CUX2: variants seen among roughly 807,000 people sequenced by gnomAD.
CUX2 encodes cut like homeobox 2.
CUX2 carries 40 observed loss-of-function variants against 144.8 expected under a neutral mutation model. That is an observed-to-expected ratio of 0.28 (90% CI 0.21 to 0.36). The LOEUF (loss-of-function observed/expected upper bound fraction) is 0.36, where lower values mean the gene tolerates loss of function less well. Ranked by LOEUF, CUX2 falls within the 10% of genes least tolerant of loss-of-function variation. The pLI, the probability that CUX2 is intolerant of heterozygous loss-of-function variation, is 1.00. For synonymous variants in CUX2, 827 were observed against 875.6 expected, an observed-to-expected ratio of 0.94 and a Z score of 0.98; for missense variants, 1,615 against 1,994.0, an observed-to-expected ratio of 0.81 and a Z score of 3.62.
Position 111,282,353 on chromosome 12 carries a change from G to A in CUX2, c.302-9065G>A, listed in dbSNP as rs557642560. ...AAAAAAAAAATACCACAGGCCGTGC[G>A]CCTTGGCTCACGCCTGTAATCCCAG... On this transcript the variant is annotated intron_variant, in intron 4 of 21. Transcript: ENST00000261726. Among the ~76,000 whole-genome samples, 21 of 150,422 alleles carry A rather than the reference G, an allele frequency of 1.4e-4. No individual in the cohort carries two copies. The South Asian group carries it at 1.7e-3, about 12-fold the overall frequency.
At chr12:111,328,129 G>C (rs551473904) in intron 18 of CUX2, among the ~76,000 whole-genome samples, 10 of 152,280 alleles carry the variant, frequency 6.6e-5, no homozygotes, top group South Asian at 4.1e-4. Context: ...CCTAGGGAGA[G>C]AGTGGTGATG....
At chr12:111,290,625 A>C (rs1885622389) in intron 4 of CUX2, among the ~76,000 whole-genome samples, 1 of 151,898 alleles carries the variant, frequency 6.6e-6, no homozygotes, top group Non-Finnish European at 1.5e-5. Context: ...ACGGGGTTTC[A>C]CCATATTGGT....
intron 3 of CUX2, among the ~76,000 whole-genome samples, chr12:111,243,239 C>T (rs1192783187): frequency 6.6e-6 from 1 of 152,160 alleles, no homozygotes; most frequent in Non-Finnish European, 1.5e-5. Context: ...CCACCTTCCT[C>T]TCACACCTCT....
intron 1 of CUX2, among the ~76,000 whole-genome samples, chr12:111,120,932 C>T (rs1874616368): frequency 6.6e-6 from 1 of 151,844 alleles, no homozygotes; most frequent in Admixed American, 6.6e-5. Flanking sequence ...GAAACCAGCC[C>T]GGGGGGGTCC....
Position 111,261,715 on chromosome 12 carries a change from A to G in CUX2, c.223-2046A>G, listed in dbSNP as rs1054861522. Among the ~76,000 whole-genome samples the G allele has an allele frequency of 1.1e-4, 16 of 152,258 alleles. No individual in the cohort carries two copies. The South Asian group carries it at 1.7e-3, about 16-fold the overall frequency. On this transcript the variant is annotated intron_variant, in intron 3 of 21. Transcript: ENST00000261726. ...GAGGAGTTCGAGACCAGCCTGGCCA[A>G]CATGGCGAAACCTCATGTCTACTAA...
intron 1 of CUX2, among the ~76,000 whole-genome samples, chr12:111,200,628 C>T (rs1264708388): frequency 6.6e-6 from 1 of 152,094 alleles, no homozygotes; most frequent in Admixed American, 6.5e-5. Context: ...ATCCAGGCCT[C>T]CCTCCCGGAG....
At chr12:111,331,271 C>T (rs1423005503) in intron 18 of CUX2, among the ~76,000 whole-genome samples, 1 of 152,166 alleles carries the variant, frequency 6.6e-6, no homozygotes, top group African/African-American at 2.4e-5. Context: ...CCATCCTGGG[C>T]TCAGGATGTC....
intron 15 of CUX2, among the ~76,000 whole-genome samples, chr12:111,311,283 C>T (rs1442372281): frequency 2.0e-5 from 3 of 151,902 alleles, no homozygotes; most frequent in Admixed American, 6.6e-5. Flanking sequence ...TAGTCATTGT[C>T]GTCATCATTT....
chr12:111,275,010 G>A (rs1439600922), intron 4 of CUX2, among the ~76,000 whole-genome samples: 1 of 151,708 alleles, frequency 6.6e-6, no homozygotes, highest in Non-Finnish European at 1.5e-5. Context: ...AGTGGTGAAA[G>A]ATGGAATAGG....
chr12:111,138,493 G>C (rs1243232277), intron 1 of CUX2, among the ~76,000 whole-genome samples: 5 of 152,106 alleles, frequency 3.3e-5, no homozygotes, highest in African/African-American at 1.2e-4. Flanking sequence ...TGTGGCCTCG[G>C]TCAGGCTGCT....
chr12:111,301,449 C>T (rs923931619), intron 9 of CUX2, among the ~76,000 whole-genome samples: 7 of 152,022 alleles, frequency 4.6e-5, no homozygotes, highest in Admixed American at 2.6e-4. Flanking sequence ...TGGACAGAGA[C>T]AAGGACGCTG....
intron 4 of CUX2, among the ~76,000 whole-genome samples, chr12:111,276,224 G>A (rs1008597931): frequency 1.3e-5 from 2 of 152,014 alleles, no homozygotes; most frequent in Non-Finnish European, 2.9e-5. Context: ...ATGGTGACGC[G>A]TGCCTGTAGT....
chr12:111,246,059 G>A lies in CUX2; in HGVS notation c.223-17702G>A, dbSNP rs1883266497. Among the ~76,000 whole-genome samples the A allele has an allele frequency of 6.6e-6, 1 of 152,120 alleles. No individual in the cohort carries two copies. The highest frequency in any genetic ancestry group is 2.4e-5 in the African/African-American group (1 of 41,420). ...AGGAGCTGAGAGCACAAACTTCAGG[G>A]CCAAGCTGCTCTGTCTCCCGATCCC... On this transcript the variant is annotated intron_variant, in intron 3 of 21. Coordinates refer to ENST00000261726, the MANE Select transcript of CUX2 (RefSeq NM_015267.4). This position sits in a 1 kb window ranked among gnomAD's most constrained non-coding sequence, Gnocchi z 4.0.
chr12:111,134,015 A>G (rs1592927053), intron 1 of CUX2, among the ~76,000 whole-genome samples: 1 of 152,186 alleles, frequency 6.6e-6, no homozygotes, highest in Admixed American at 6.5e-5. Flanking sequence ...TTCAACTTGC[A>G]TTGTAATTCA....
At chr12:111,203,161 G>A (rs975753526) in intron 1 of CUX2, among the ~76,000 whole-genome samples, 5 of 151,296 alleles carry the variant, frequency 3.3e-5, no homozygotes, top group African/African-American at 1.2e-4. Context: ...GAACCCAGGA[G>A]GCGGAGGTTG....
Position 111,320,544 on chromosome 12 carries a change from A to G in CUX2, c.2535A>G (p.Glu845=). 6.5e-7 allele frequency: 1 copy of G among 1,535,142 alleles called. No individual in the cohort carries two copies. Among genetic ancestry groups the G allele is most frequent in the Non-Finnish European group, 8.7e-7 (1 of 1,149,836 alleles). The change falls in exon 17 of 22, where the codon GAA becomes GAG. Residue 845 remains glutamate, a synonymous_variant. Coordinates refer to ENST00000261726, the MANE Select transcript of CUX2 (RefSeq NM_015267.4). The surrounding 1 kb of genome is among the most constrained non-coding windows in gnomAD (Gnocchi z 8.1). ...EDEAAAGAED[E]PPRTGELKAE... ...AGGCGGCGGCAGGGGCGGAGGACGA[A>G]CCCCCCAGGACGGGCGAGCTCAAGG...
Position 111,289,664 on chromosome 12 carries a change from T to C in CUX2, c.302-1754T>C, listed in dbSNP as rs1885569611. On this transcript the variant is annotated intron_variant, in intron 4 of 21. Coordinates refer to ENST00000261726, the MANE Select transcript of CUX2 (RefSeq NM_015267.4). This position sits in a 1 kb window ranked among gnomAD's most constrained non-coding sequence, Gnocchi z 4.1. ...GAACCGAATTCCAGGCAGAAGGACC[T>C]GCACGTTCCTCACCTTTGAGTGATT... Among the ~76,000 whole-genome samples, 1 of 152,042 alleles carries C rather than the reference T, an allele frequency of 6.6e-6. No individual in the cohort carries two copies. Among genetic ancestry groups the C allele is most frequent in the Non-Finnish European group, 1.5e-5 (1 of 67,976 alleles).
At chr12:111,046,887 C>T (rs1213631266) in intron 1 of CUX2, among the ~76,000 whole-genome samples, 1 of 152,210 alleles carries the variant, frequency 6.6e-6, no homozygotes, top group Non-Finnish European at 1.5e-5. Context: ...GAATTCGTGA[C>T]CTCATGTGAT....
At chr12:111,226,175 C>A (rs1882132669) in intron 3 of CUX2, among the ~76,000 whole-genome samples, 1 of 152,300 alleles carries the variant, frequency 6.6e-6, no homozygotes, top group African/African-American at 2.4e-5. Context: ...AGCTCCTAGC[C>A]TCAAGTGATC....
Sources: gnomAD v4.1 joint callset for allele counts (sites outside exome capture counted in the v4.1 genomes callset) on GRCh38, gnomAD v4.1.1 for gene constraint, Gnocchi (gnomAD v3.1) non-coding constraint, MANE v1.5 for transcripts, NCBI Gene and HGNC (gene_info 2026-07-23, HGNC 2026-07-21) for gene names.